The following APAF1 variants were observed in gnomAD, a reference collection of about 807,000 sequenced individuals.
APAF1 encodes apoptotic peptidase activating factor 1.
Under a neutral mutation model 152.4 loss-of-function variants are expected in APAF1, and 91 were observed. The ratio of observed to expected loss-of-function variants is 0.60; its 90% CI spans 0.50 to 0.71. The LOEUF (loss-of-function observed/expected upper bound fraction) is 0.71, where lower values mean the gene tolerates loss of function less well. APAF1 is among the 30% of genes least tolerant of loss of function. APAF1 has a pLI of 0.00. For synonymous variants in APAF1, 484 were observed against 494.1 expected, an observed-to-expected ratio of 0.98 and a Z score of 0.27; for missense variants, 1,283 against 1,472.0, an observed-to-expected ratio of 0.87 and a Z score of 2.10.
chr12:98,699,502 T>A lies in APAF1; in HGVS notation c.2399T>A (p.Ile800Lys). ...LEDPQEDMEV[I>K]VKCCSWSADG... ...GACCCTCAAGAGGATATGGAAGTGA[T>A]AGTGAAGTGTTGTTCGTGGTCTGCT... Residue 800 changes from isoleucine (I) to lysine (K), a missense_variant, in exon 17 of 27, where the codon ATA becomes AAA. Ile to Lys is a moderately radical substitution (Grantham distance 102). Transcript: ENST00000551964. 6.2e-7 allele frequency: 1 copy of A among 1,614,210 alleles called. No individual in the cohort carries two copies. The highest frequency in any genetic ancestry group is 8.5e-7 in the Non-Finnish European group (1 of 1,180,034).
In APAF1 at chr12:98,663,222, A is replaced by G. The variant is rs2097667824; in HGVS notation, c.955+416A>G. Reference sequence around the variant, plus strand: ...GTTAAACTTTTTACTTGTTTATTGAATACGTTTTAAGAAGTTATCCTTGAC... The same window carrying G: ...GTTAAACTTTTTACTTGTTTATTGAGTACGTTTTAAGAAGTTATCCTTGAC... On this transcript the variant is annotated intron_variant, in intron 7 of 26. Coordinates refer to ENST00000551964, the MANE Select transcript of APAF1 (RefSeq NM_181861.2). 2.0e-5 allele frequency among the ~76,000 whole-genome samples: 3 copies of G among 152,300 alleles called. No homozygotes were observed. The South Asian group carries it at 6.2e-4, about 32-fold the overall frequency.
chr12:98,707,052 A>G (rs1056848405), intron 19 of APAF1, among the ~76,000 whole-genome samples: 14 of 152,150 alleles, frequency 9.2e-5, no homozygotes, highest in African/African-American at 3.1e-4. Flanking sequence ...AGTCTCTGCC[A>G]CAAGTCTTCT....
chr12:98,713,008 A>C (rs1425293857), intron 21 of APAF1, among the ~76,000 whole-genome samples: 1 of 148,506 alleles, frequency 6.7e-6, no homozygotes, highest in Non-Finnish European at 1.5e-5. Context: ...GTAGAGATGG[A>C]GGTTTCACCA....
intron 23 of APAF1, 83 bp from the exon 24 acceptor site, chr12:98,723,556 C>A: frequency 7.6e-7 from 1 of 1,316,722 alleles, no homozygotes; most frequent in Non-Finnish European, 1.1e-6. Flanking sequence ...GTTTTATAGA[C>A]CTGTCTTGTA....
At chr12:98,710,384 TC>T (rs2097726663) in intron 20 of APAF1, among the ~76,000 whole-genome samples, 1 of 152,110 alleles carries the variant, frequency 6.6e-6, no homozygotes, top group Non-Finnish European at 1.5e-5. Context: ...GTTTGATTTT[TC>T]TTGATTTGCT....
chr12:98,695,498 G>GCACA (rs2153331827), intron 16 of APAF1, among the ~76,000 whole-genome samples: 2 of 152,218 alleles, frequency 1.3e-5, no homozygotes, highest in South Asian at 4.1e-4. Context: ...CTGAGGAGCT[G>GCACA]GGACTACAGG....
chr12:98,679,709 G>A (rs919094881), intron 13 of APAF1, among the ~76,000 whole-genome samples: 4 of 152,228 alleles, frequency 2.6e-5, no homozygotes, highest in African/African-American at 7.2e-5. Flanking sequence ...GGGCACCACC[G>A]TGTTCCCCGG....
intron 4 of APAF1, among the ~76,000 whole-genome samples, chr12:98,656,456 C>T (rs1429950099): frequency 6.6e-6 from 1 of 152,202 alleles, no homozygotes; most frequent in African/African-American, 2.4e-5. Context: ...AAGACATTGG[C>T]ACTGATAATC....
chr12:98,669,167 A>T (rs981238145), intron 10 of APAF1, among the ~76,000 whole-genome samples: 2 of 152,186 alleles, frequency 1.3e-5, no homozygotes, highest in Non-Finnish European at 2.9e-5. Context: ...TAGTTATCGA[A>T]CATTTAGGTT....
chr12:98,675,892 GGTTAA>G (rs1237753167), intron 12 of APAF1, among the ~76,000 whole-genome samples: 1 of 152,156 alleles, frequency 6.6e-6, no homozygotes, highest in Non-Finnish European at 1.5e-5. Context: ...TCTTGTGTGT[GGTTAA>G]GTTTTTTGAA....
At chr12:98,725,122 C>T (rs1354209584) in intron 24 of APAF1, among the ~76,000 whole-genome samples, 1 of 152,216 alleles carries the variant, frequency 6.6e-6, no homozygotes, top group African/African-American at 2.4e-5. Context: ...CACTCACATT[C>T]AGGTCTGCTT....
At chr12:98,704,173 C>T (rs1349545699) in intron 18 of APAF1, among the ~76,000 whole-genome samples, 4 of 151,872 alleles carry the variant, frequency 2.6e-5, no homozygotes, top group South Asian at 2.1e-4. Context: ...CTGTGTTGCC[C>T]AGGCTGGTCT....
At chr12:98,668,856 G>A (rs1217478416) in intron 10 of APAF1, among the ~76,000 whole-genome samples, 1 of 152,180 alleles carries the variant, frequency 6.6e-6, no homozygotes, top group Non-Finnish European at 1.5e-5. Flanking sequence ...TTAGATATAT[G>A]AGTCTAGAAT....
chr12:98,682,008 C>A (rs2097692748), intron 14 of APAF1, among the ~76,000 whole-genome samples: 2 of 147,006 alleles, frequency 1.4e-5, no homozygotes, highest in Non-Finnish European at 3.0e-5. Context: ...GCATAGACTG[C>A]TTAGTTGTCT....
chr12:98,686,023 A>C (rs951491192), intron 15 of APAF1, among the ~76,000 whole-genome samples: 5 of 152,202 alleles, frequency 3.3e-5, no homozygotes, highest in African/African-American at 1.2e-4. Context: ...AAATATAAAT[A>C]CTATGTTTAT....
rs1040026640 is a variant in APAF1, at chr12:98,733,038, T to C, written c.*472T>C. On this transcript the variant is annotated 3_prime_UTR_variant, in exon 27 of 27. Transcript: ENST00000551964. The stretch of plus-strand genomic sequence containing the variant: ...AATCTTAGAGGTTTTTTGCACTCTT[T>C]AAATTTGCTTTAAAAATATTGTGTC... The C allele has an allele frequency of 4.9e-5, 8 of 162,230 alleles. No individual in the cohort carries two copies. The highest frequency in any genetic ancestry group is 1.9e-4 in the African/African-American group (8 of 41,528). 10.0% of individuals were successfully genotyped at this position (162,230 alleles called of 1,614,324 possible).
At chr12:98,675,281 G>C (rs2097685292) in intron 12 of APAF1, among the ~76,000 whole-genome samples, 2 of 152,056 alleles carry the variant, frequency 1.3e-5, no homozygotes, top group Non-Finnish European at 1.5e-5. Flanking sequence ...TAGTACTTTT[G>C]GGCCATCTAC....
intron 22 of APAF1, among the ~76,000 whole-genome samples, chr12:98,717,610 A>G (rs976217367): frequency 1.3e-5 from 2 of 151,370 alleles, no homozygotes; most frequent in Non-Finnish European, 3.0e-5. Context: ...TCTGGACCTC[A>G]GGTGATCCAC....
Position 98,712,342 on chromosome 12 carries a change from G to C in APAF1, c.2865G>C (p.Gln955His), listed in dbSNP as rs1431964456. 1 of 1,612,172 alleles carries C rather than the reference G, an allele frequency of 6.2e-7. No individual in the cohort carries two copies. The highest frequency in any genetic ancestry group is 8.5e-7 in the Non-Finnish European group (1 of 1,178,382). ...RLQLINGRTGQIDYLTEAQVS... is the reference protein window; with the variant it reads ...RLQLINGRTGHIDYLTEAQVS... ...AGCTCATTAATGGAAGAACAGGTCA[G>C]ATTGATTATCTGACTGAAGCTCAAG... is the stretch of plus-strand genomic sequence containing the variant. The change falls in exon 21 of 27, where the codon CAG becomes CAC. Residue 955 changes from glutamine (Q) to histidine (H), a missense_variant. Physicochemically the swap from Gln to His is conservative, Grantham distance 24 (BLOSUM62 0). Coordinates refer to ENST00000551964, the MANE Select transcript of APAF1 (RefSeq NM_181861.2).
Sources: gnomAD v4.1 joint callset for allele counts (sites outside exome capture counted in the v4.1 genomes callset) on GRCh38, gnomAD v4.1.1 for gene constraint, MANE v1.5 for transcripts, NCBI Gene and HGNC (gene_info 2026-07-23, HGNC 2026-07-21) for gene names.